The following TAS2R1 variants were observed in gnomAD, a reference collection of about 807,000 sequenced individuals.
TAS2R1 encodes the protein taste receptor type 2 member 1.
For missense variants in TAS2R1, 370 were observed against 353.4 expected, an observed-to-expected ratio of 1.05 and a Z score of -0.38; for synonymous variants, 141 against 134.2, an observed-to-expected ratio of 1.05 and a Z score of -0.35.
chr5:9,719,113 CATT>C, the TAS2R1 span, among the ~76,000 whole-genome samples: 1 of 152,090 alleles, frequency 6.6e-6, no homozygotes, highest in Admixed American at 6.5e-5. Context: ...AGTGTAACAT[CATT>C]AGTGTATGTG....
At chr5:9,765,658 C>G in the TAS2R1 span, 2 of 152,074 alleles carry the variant, frequency 1.3e-5, no homozygotes, top group African/African-American at 4.8e-5. Context: ...TGATGGATAC[C>G]AGATGGCACA....
intron 1 of TAS2R1, among the ~76,000 whole-genome samples, chr5:9,685,056 G>C (rs1336479611): frequency 1.3e-5 from 2 of 152,146 alleles, no homozygotes; most frequent in African/African-American, 4.8e-5. Flanking sequence ...GTCAGTATTT[G>C]TTGATGGAGG....
the TAS2R1 span, among the ~76,000 whole-genome samples, chr5:9,788,724 C>T: frequency 9.2e-5 from 14 of 151,924 alleles, no homozygotes; most frequent in Non-Finnish European, 1.8e-4. Flanking sequence ...TGATTTCAGC[C>T]GAACAACAGT....
intron 1 of TAS2R1, among the ~76,000 whole-genome samples, chr5:9,699,340 C>T (rs1021074524): frequency 1.3e-5 from 2 of 152,218 alleles, no homozygotes; most frequent in Admixed American, 6.5e-5. Flanking sequence ...CAGTTCCCTT[C>T]GACGCTTTCA....
chr5:9,704,440 G>A (rs1002251352), intron 1 of TAS2R1, among the ~76,000 whole-genome samples: 4 of 151,858 alleles, frequency 2.6e-5, no homozygotes, highest in African/African-American at 9.7e-5. Flanking sequence ...CTGGCTGCTC[G>A]TGAGCTGTGG....
chr5:9,722,808 T>G, the TAS2R1 span, among the ~76,000 whole-genome samples: 2 of 152,254 alleles, frequency 1.3e-5, no homozygotes, highest in Non-Finnish European at 2.9e-5. Context: ...CAAGGCTGAA[T>G]AATTGGGCTT....
intron 2 of TAS2R1, among the ~76,000 whole-genome samples, chr5:9,641,008 G>A (rs909180771): frequency 1.3e-5 from 2 of 151,940 alleles, no homozygotes; most frequent in African/African-American, 2.4e-5. Flanking sequence ...CGTGGTGTGC[G>A]CCTTCAGCAA....
the TAS2R1 span, among the ~76,000 whole-genome samples, chr5:9,824,448 G>A: frequency 6.6e-6 from 1 of 152,144 alleles, no homozygotes; most frequent in African/African-American, 2.4e-5. Context: ...CATTTAGCTT[G>A]ATATTCTATC....
chr5:9,816,188 T>C, the TAS2R1 span, among the ~76,000 whole-genome samples: 1 of 152,052 alleles, frequency 6.6e-6, no homozygotes, highest in Admixed American at 6.6e-5. Flanking sequence ...CTGTCAGCTA[T>C]ACACTGTTTT....
the TAS2R1 span, among the ~76,000 whole-genome samples, chr5:9,735,198 A>G: frequency 3.5e-3 from 532 of 151,470 alleles, 23 homozygotes; most frequent in African/African-American, 0.011. Context: ...CTGTGATTCA[A>G]TCACCTCCCA....
the TAS2R1 span, among the ~76,000 whole-genome samples, chr5:9,806,963 A>G: frequency 6.6e-6 from 1 of 152,192 alleles, no homozygotes; most frequent in African/African-American, 2.4e-5. Flanking sequence ...GTTAACAGAC[A>G]ACCCACAGAG....
the TAS2R1 span, among the ~76,000 whole-genome samples, chr5:9,894,919 G>A: frequency 6.6e-6 from 1 of 152,224 alleles, no homozygotes; most frequent in Non-Finnish European, 1.5e-5. Context: ...CTTTCTGGAT[G>A]AGGTTTAGCA....
the TAS2R1 span, among the ~76,000 whole-genome samples, chr5:9,794,241 A>G: frequency 6.6e-6 from 1 of 152,332 alleles, no homozygotes; most frequent in African/African-American, 2.4e-5. Flanking sequence ...TTTGAAAGAA[A>G]TAAGATTTAA....
chr5:9,688,249 G>T (rs1393687671), intron 1 of TAS2R1, among the ~76,000 whole-genome samples: 1 of 152,080 alleles, frequency 6.6e-6, no homozygotes, highest in Non-Finnish European at 1.5e-5. Context: ...AGCATGTTAA[G>T]ACAGAATAAC....
chr5:9,822,015 G>A, the TAS2R1 span, among the ~76,000 whole-genome samples: 9 of 152,296 alleles, frequency 5.9e-5, no homozygotes, highest in African/African-American at 2.2e-4. Context: ...CATTCCAGTT[G>A]ACTCTGTGGT....
chr5:9,819,143 A>C, the TAS2R1 span, among the ~76,000 whole-genome samples: 1 of 152,154 alleles, frequency 6.6e-6, no homozygotes, highest in Non-Finnish European at 1.5e-5. Context: ...ATTCAACTGA[A>C]AGGGGAGCTG....
At chr5:9,633,590 C>T (rs1739917512), upstream of TAS2R1, among the ~76,000 whole-genome samples, 1 of 151,856 alleles carries the variant, frequency 6.6e-6, no homozygotes, top group South Asian at 2.1e-4. Flanking sequence ...TCCCTTTATA[C>T]CACATCCACA....
intron 2 of TAS2R1, among the ~76,000 whole-genome samples, chr5:9,644,363 G>A (rs954519639): frequency 2.1e-4 from 32 of 152,142 alleles, no homozygotes; most frequent in Admixed American, 2.0e-4. Context: ...GTGGCTGGAC[G>A]AGGAATAGAT....
the TAS2R1 span, among the ~76,000 whole-genome samples, chr5:9,881,283 C>A: frequency 6.6e-6 from 1 of 151,948 alleles, no homozygotes; most frequent in Non-Finnish European, 1.5e-5. Flanking sequence ...TACCTAGGAA[C>A]ACAGGGAATA....
Sources: gnomAD v4.1 joint callset for allele counts (sites outside exome capture counted in the v4.1 genomes callset) on GRCh38, gnomAD v4.1.1 for gene constraint, MANE v1.5 for transcripts, NCBI Gene and HGNC (gene_info 2026-07-23, HGNC 2026-07-21) for gene names.